CDC42BPA: variants seen among roughly 807,000 people sequenced by gnomAD.
CDC42BPA encodes the protein serine/threonine-protein kinase MRCK alpha.
Under a neutral mutation model 223.5 loss-of-function variants are expected in CDC42BPA, and 80 were observed. The ratio of observed to expected loss-of-function variants is 0.36; its 90% confidence interval spans 0.30 to 0.43. CDC42BPA has a LOEUF of 0.43. CDC42BPA is among the 20% of genes least tolerant of loss of function. CDC42BPA has a pLI of 1.00. For missense variants in CDC42BPA, 1,743 were observed against 2,099.9 expected (o/e 0.83, Z 3.32); for synonymous variants, 694 against 718.6 (o/e 0.97, Z 0.55).
chr1:227,185,630 T>A (rs1668645533), intron 5 of CDC42BPA, among the ~76,000 whole-genome samples: 1 of 152,130 alleles, frequency 6.6e-6, no homozygotes, highest in Non-Finnish European at 1.5e-5. Flanking sequence ...GGGTTCTGTC[T>A]CTTGGCTTTG....
Position 227,030,477 on chromosome 1 carries a change from A to G in CDC42BPA, c.3776-7T>C. ...AAAGCAATTCTTTCATGATCTATGT[A>G]AGACATGAATGTGAAAGATTTTTAT... On this transcript the variant is annotated splice_region_variant and splice_polypyrimidine_tract_variant and intron_variant, in intron 28 of 36. Coordinates refer to ENST00000366766, the MANE Select transcript of CDC42BPA (RefSeq NM_001394014.1). 6.4e-7 allele frequency: 1 copy of G among 1,557,076 alleles called. No homozygotes were observed. Among genetic ancestry groups the G allele is most frequent in the Middle Eastern group, 1.7e-4 (1 of 5,924 alleles).
intron 2 of CDC42BPA, among the ~76,000 whole-genome samples, chr1:227,243,921 A>T (rs909124140): frequency 2.0e-5 from 3 of 151,756 alleles, no homozygotes; most frequent in African/African-American, 7.3e-5. Context: ...AAGTGATGTG[A>T]GGTGATATGA....
intron 5 of CDC42BPA, among the ~76,000 whole-genome samples, chr1:227,180,888 A>G (rs886328473): frequency 2.0e-5 from 3 of 150,326 alleles, no homozygotes; most frequent in African/African-American, 7.3e-5. Context: ...GAGTTTAAAC[A>G]TGGTTAGAAA....
intron 24 of CDC42BPA, among the ~76,000 whole-genome samples, chr1:227,036,251 CAG>C (rs1670198624): frequency 6.6e-6 from 1 of 152,052 alleles, no homozygotes; most frequent in South Asian, 2.1e-4. Flanking sequence ...GTGAAACCAG[CAG>C]AGAGGCAAGA....
chr1:227,052,067 A>C (rs564660554), intron 21 of CDC42BPA, 82 bp from the exon 22 acceptor site: 1 of 691,946 alleles, frequency 1.4e-6, no homozygotes, highest in East Asian at 5.5e-5. Flanking sequence ...TCTGTAAGGC[A>C]TGATTATGAC....
At chr1:227,058,887 A>C (rs1339400037) in intron 21 of CDC42BPA, among the ~76,000 whole-genome samples, 1 of 147,900 alleles carries the variant, frequency 6.8e-6, no homozygotes, top group East Asian at 2.0e-4. Flanking sequence ...AAAAAAAAAA[A>C]ACAAGATTTC....
intron 5 of CDC42BPA, among the ~76,000 whole-genome samples, chr1:227,166,819 A>C (rs1382831567): frequency 6.6e-6 from 1 of 152,144 alleles, no homozygotes; most frequent in Non-Finnish European, 1.5e-5. Context: ...TGAGTAAAGA[A>C]GGCTCTTAAT....
chr1:227,044,212 T>C (rs1671946080), intron 23 of CDC42BPA, among the ~76,000 whole-genome samples: 1 of 152,196 alleles, frequency 6.6e-6, no homozygotes, highest in South Asian at 2.1e-4. Flanking sequence ...TCATATGGAG[T>C]TGCAGGAGTT....
Position 227,317,035 on chromosome 1 carries a change from C to G in CDC42BPA, c.148G>C (p.Glu50Gln). ...TCTAGGTATTCGAGAATGTTCTTCT[C>G]TCTTCTCAATGGAGAATTATTGCAT... Reference protein sequence around the residue: ...DECNNSPLRREKNILEYLEWA... With the variant: ...DECNNSPLRRQKNILEYLEWA... Residue 50 changes from glutamate (E) to glutamine (Q), a missense_variant, in exon 1 of 37, where the codon GAG becomes CAG. Glu to Gln is a conservative substitution (Grantham distance 29, BLOSUM62 2). Transcript: ENST00000366766. 6.2e-7 allele frequency: 1 copy of G among 1,613,740 alleles called. No homozygotes were observed. The highest frequency in any genetic ancestry group is 8.5e-7 in the Non-Finnish European group (1 of 1,179,742).
chr1:227,163,110 A>G (rs909052826), intron 5 of CDC42BPA, among the ~76,000 whole-genome samples: 1 of 143,304 alleles, frequency 7.0e-6, no homozygotes, highest in African/African-American at 2.6e-5. Flanking sequence ...CCAAACATAT[A>G]TGTGTGTATG....
At chr1:227,106,519 G>A (rs994881773) in intron 14 of CDC42BPA, among the ~76,000 whole-genome samples, 1 of 152,060 alleles carries the variant, frequency 6.6e-6, no homozygotes, top group African/African-American at 2.4e-5. Context: ...GTAATTTTGT[G>A]ATTTTTTTGT....
At chr1:227,220,088 C>CA (rs1368264244) in intron 2 of CDC42BPA, among the ~76,000 whole-genome samples, 1 of 151,998 alleles carries the variant, frequency 6.6e-6, no homozygotes, top group Non-Finnish European at 1.5e-5. Context: ...CAGGACTTGA[C>CA]AGACTGCTGG....
chr1:227,235,743 T>C (rs965160249), intron 2 of CDC42BPA, among the ~76,000 whole-genome samples: 3 of 152,168 alleles, frequency 2.0e-5, no homozygotes, highest in Non-Finnish European at 4.4e-5. Context: ...TACGCAATGC[T>C]TGCTGCTCCA....
At chr1:227,278,391 A>G (rs1687478457) in intron 1 of CDC42BPA, among the ~76,000 whole-genome samples, 1 of 152,248 alleles carries the variant, frequency 6.6e-6, no homozygotes, top group Admixed American at 6.5e-5. Context: ...AACATAATCT[A>G]ATTGGCAAAG....
intron 14 of CDC42BPA, among the ~76,000 whole-genome samples, chr1:227,102,681 A>C (rs921859880): frequency 6.6e-6 from 1 of 152,190 alleles, no homozygotes; most frequent in African/African-American, 2.4e-5. Context: ...TGAAAAGCCA[A>C]ATAGAACACA....
intron 2 of CDC42BPA, among the ~76,000 whole-genome samples, chr1:227,250,523 T>C (rs55946024): frequency 0.15 from 22,773 of 151,892 alleles, 2,065 homozygotes; most frequent in African/African-American, 0.24. Flanking sequence ...AAGAATGCTA[T>C]GGTCAAATGG....
At chr1:227,311,892 T>C (rs11804709) in intron 1 of CDC42BPA, among the ~76,000 whole-genome samples, 46,683 of 150,810 alleles carry the variant, frequency 0.31, 7,346 homozygotes, top group East Asian at 0.37. Flanking sequence ...TGCCCATACC[T>C]TACACTCTTT....
At chr1:227,304,546 C>T (rs1692230984) in intron 1 of CDC42BPA, among the ~76,000 whole-genome samples, 1 of 152,072 alleles carries the variant, frequency 6.6e-6, no homozygotes. Flanking sequence ...AAGTCCCTGG[C>T]ATTAAAAATA....
At chr1:227,123,099 T>G (rs1688952685) in intron 11 of CDC42BPA, among the ~76,000 whole-genome samples, 1 of 152,150 alleles carries the variant, frequency 6.6e-6, no homozygotes, top group Non-Finnish European at 1.5e-5. Flanking sequence ...GGCCAGGGGT[T>G]CAAGACCAGC....
Sources: gnomAD v4.1 joint callset for allele counts (sites outside exome capture counted in the v4.1 genomes callset) on GRCh38, gnomAD v4.1.1 for gene constraint, MANE v1.5 for transcripts, NCBI Gene and HGNC (gene_info 2026-07-23, HGNC 2026-07-21) for gene names.